PAQR8: variants seen among roughly 807,000 people sequenced by gnomAD.
PAQR8 encodes progestin and adipoQ receptor family member 8.
PAQR8 carries 17 observed loss-of-function variants against 25.2 expected under a neutral mutation model. That is an observed-to-expected ratio of 0.67 (90% CI 0.46 to 1.01). PAQR8 has a LOEUF of 1.01. PAQR8 is among the 50% of genes least tolerant of loss of function. PAQR8 has a pLI of 0.00. For missense variants in PAQR8, 392 were observed against 448.4 expected, an observed-to-expected ratio of 0.87 and a Z score of 1.14; for synonymous variants, 204 against 190.6, an observed-to-expected ratio of 1.07 and a Z score of -0.58.
chr6:52,390,157 C>T (rs1763683322), intron 1 of PAQR8, among the ~76,000 whole-genome samples: 1 of 152,220 alleles, frequency 6.6e-6, no homozygotes, highest in South Asian at 2.1e-4. Flanking sequence ...GCTCCTCTGA[C>T]TTCTCCCACT....
At chr6:52,384,349 G>A (rs1055691570) in intron 1 of PAQR8, among the ~76,000 whole-genome samples, 1 of 152,212 alleles carries the variant, frequency 6.6e-6, no homozygotes, top group Non-Finnish European at 1.5e-5. Flanking sequence ...AAAATGAAAG[G>A]TGTAATCAAG....
At position 52,403,745 on chromosome 6, in the gene PAQR8, T is replaced by G; in HGVS notation, c.532T>G (p.Phe178Val). 6.2e-7 allele frequency: 1 copy of G among 1,614,246 alleles called. No homozygotes were observed. The highest frequency in any genetic ancestry group is 8.5e-7 in the Non-Finnish European group (1 of 1,180,036). Residue 178 changes from phenylalanine to valine, a missense_variant, in exon 2 of 2, where the codon TTC becomes GTC. Transcript: ENST00000442253. The part of the protein sequence containing the change: ...DQAWYDRFWL[F>V]FLPAAAFCGW... ...GGCCTGGTATGACCGGTTCTGGCTTTTCTTCTTGCCAGCAGCTGCCTTCTG... is the reference window on the plus strand; with the variant it reads ...GGCCTGGTATGACCGGTTCTGGCTTGTCTTCTTGCCAGCAGCTGCCTTCTG...
chr6:52,362,796 G>T lies in PAQR8; in HGVS notation c.-53+547G>T, dbSNP rs1386567864. ...GGGCGGTAGGGAGAGCCCGAGGAAG[G>T]GCAGCCCGAGGTAGGGGAACCCCGG... On this transcript the variant is annotated intron_variant, in intron 1 of 1. Transcript: ENST00000442253. The surrounding 1 kb of genome is among the most constrained non-coding windows in gnomAD (Gnocchi z 4.1). Among the ~76,000 whole-genome samples the T allele has an allele frequency of 6.6e-6, 1 of 152,166 alleles. No individual in the cohort carries two copies. Among genetic ancestry groups the T allele is most frequent in the Non-Finnish European group, 1.5e-5 (1 of 68,010 alleles).
intron 1 of PAQR8, among the ~76,000 whole-genome samples, chr6:52,367,371 T>G (rs2113933004): frequency 6.6e-6 from 1 of 152,354 alleles, no homozygotes; most frequent in East Asian, 1.9e-4. Flanking sequence ...GGTGTGTTAC[T>G]TAATCTGAGT....
At chr6:52,376,343 A>T (rs916446012) in intron 1 of PAQR8, among the ~76,000 whole-genome samples, 1 of 152,110 alleles carries the variant, frequency 6.6e-6, no homozygotes, top group Non-Finnish European at 1.5e-5. Context: ...AAGAGGCTTG[A>T]CAGAGGATGC....
At position 52,362,222 on chromosome 6, in the gene PAQR8, C is replaced by A. The variant is rs1233420444; in HGVS notation, c.-80C>A. On this transcript the variant is annotated 5_prime_UTR_variant, in exon 1 of 2. Transcript: ENST00000442253. This position sits in a 1 kb window ranked among gnomAD's most constrained non-coding sequence, Gnocchi z 4.1. The stretch of plus-strand genomic sequence containing the variant: ...GCGGGCTGGGCCGGGCTGGGCTACG[C>A]GCACGGGCTCGGCCGCCGCCCCTGC... The A allele has an allele frequency of 6.6e-6, 1 of 151,990 alleles. No homozygotes were observed. The highest frequency in any genetic ancestry group is 6.6e-5 in the Admixed American group (1 of 15,238). The allele number at this position is 151,990 out of a possible 1,614,324, so 9.4% of individuals were successfully genotyped here.
intron 1 of PAQR8, among the ~76,000 whole-genome samples, chr6:52,371,360 T>A (rs778007995): frequency 1.3e-5 from 2 of 152,194 alleles, no homozygotes; most frequent in Non-Finnish European, 2.9e-5. Flanking sequence ...ATAATAGTAA[T>A]AACAATGGTC....
At chr6:52,402,976 C>T (rs1270805057) in intron 1 of PAQR8, among the ~76,000 whole-genome samples, 186 bp from the exon 2 acceptor site, 1 of 152,190 alleles carries the variant, frequency 6.6e-6, no homozygotes, top group Admixed American at 6.5e-5. Context: ...CCTAGCTACT[C>T]TGGAGGATCA....
At chr6:52,389,911 T>G (rs1321068139) in intron 1 of PAQR8, among the ~76,000 whole-genome samples, 2 of 152,178 alleles carry the variant, frequency 1.3e-5, no homozygotes, top group Non-Finnish European at 2.9e-5. Flanking sequence ...GGTGAGAAGC[T>G]AGATCTAGTT....
Position 52,403,922 on chromosome 6 carries a change from C to G in PAQR8, c.709C>G (p.Leu237Val), listed in dbSNP as rs140488811. The change falls in exon 2 of 2, where the codon CTG (leucine) becomes GTG (valine). Residue 237 changes from leucine (L) to valine (V), a missense_variant. Physicochemically the swap from Leu to Val is conservative, Grantham distance 32. Transcript: ENST00000442253. ...GGCACACCGTGTGGCGCTCTGTCAC[C>G]TGGCTGGCTGCCAGGAGCAAGCAGC... ...PVAHRVALCH[L>V]AGCQEQAAWY... The G allele has an allele frequency of 1.1e-5, 18 of 1,614,144 alleles. No individual in the cohort carries two copies. The highest frequency in any genetic ancestry group is 1.5e-5 in the Non-Finnish European group (18 of 1,180,050).
At chr6:52,381,778 CCTTTAT>C (rs774026950) in intron 1 of PAQR8, among the ~76,000 whole-genome samples, 3 of 152,084 alleles carry the variant, frequency 2.0e-5, no homozygotes, top group Non-Finnish European at 4.4e-5. Context: ...GAAATATTTT[CCTTTAT>C]CTTTATGCAT....
chr6:52,363,826 T>C (rs1763318586), intron 1 of PAQR8, among the ~76,000 whole-genome samples: 2 of 152,282 alleles, frequency 1.3e-5, no homozygotes, highest in South Asian at 4.2e-4. Context: ...AGGACCTCAG[T>C]GGATGAGTAT....
chr6:52,363,688 T>C (rs1369594022), intron 1 of PAQR8, among the ~76,000 whole-genome samples: 2 of 152,140 alleles, frequency 1.3e-5, no homozygotes, highest in Non-Finnish European at 2.9e-5. Flanking sequence ...GTTACTGAAG[T>C]TAATAGGAGT....
intron 1 of PAQR8, among the ~76,000 whole-genome samples, chr6:52,400,330 A>T (rs1763815386): frequency 6.6e-6 from 1 of 152,242 alleles, no homozygotes; most frequent in African/African-American, 2.4e-5. Context: ...TGGTCATAAT[A>T]ATGGCAAGTA....
chr6:52,398,204 C>A (rs68129363), intron 1 of PAQR8, among the ~76,000 whole-genome samples: 1 of 85,820 alleles, frequency 1.2e-5, no homozygotes, highest in Non-Finnish European at 2.0e-5. Flanking sequence ...TTTCTTTTTT[C>A]TTTTTTTTTT....
intron 1 of PAQR8, among the ~76,000 whole-genome samples, chr6:52,384,887 A>C (rs182652700): frequency 6.6e-6 from 1 of 152,366 alleles, no homozygotes; most frequent in East Asian, 1.9e-4. Flanking sequence ...GATCTTTGAT[A>C]AAGTTGACAA....
chr6:52,392,343 CAA>C (rs35808636), intron 1 of PAQR8, among the ~76,000 whole-genome samples: 27 of 109,292 alleles, frequency 2.5e-4, no homozygotes, highest in Non-Finnish European at 3.0e-4. Context: ...GACTCCATCT[CAA>C]AAAAAAAAAA....
Position 52,403,791 on chromosome 6 carries a change from G to C in PAQR8, c.578G>C (p.Gly193Ala). The change falls in exon 2 of 2, where the codon GGC becomes GCC. Residue 193 changes from glycine to alanine, a missense_variant. By Grantham distance (60) the Gly-to-Ala change is moderately conservative (BLOSUM62 0). Coordinates refer to ENST00000442253, the MANE Select transcript of PAQR8 (RefSeq NM_133367.5). The part of the protein sequence containing the change: ...AAFCGWLSCA[G>A]CCYAKYRYRR... ...TTCTGTGGCTGGTTATCTTGTGCTG[G>C]CTGTTGCTATGCCAAATATCGTTAC... is the stretch of plus-strand genomic sequence containing the variant. The C allele has an allele frequency of 6.2e-7, 1 of 1,614,212 alleles. No homozygotes were observed. The highest frequency in any genetic ancestry group is 8.5e-7 in the Non-Finnish European group (1 of 1,180,042).
intron 1 of PAQR8, among the ~76,000 whole-genome samples, chr6:52,398,965 G>A (rs1451929093): frequency 6.6e-6 from 1 of 151,366 alleles, no homozygotes; most frequent in African/African-American, 2.5e-5. Context: ...TGTATCCCTG[G>A]ACTCTCAGGT....
Sources: gnomAD v4.1 joint callset for allele counts (sites outside exome capture counted in the v4.1 genomes callset) on GRCh38, gnomAD v4.1.1 for gene constraint, Gnocchi (gnomAD v3.1) non-coding constraint, MANE v1.5 for transcripts, NCBI Gene and HGNC (gene_info 2026-07-23, HGNC 2026-07-21) for gene names.